The following MYO6 variants were observed in gnomAD, a reference collection of about 807,000 sequenced individuals.
The protein encoded by MYO6 is myosin VI.
MYO6 carries 74 observed loss-of-function variants against 178.7 expected under a neutral mutation model. The ratio of observed to expected loss-of-function variants is 0.41; its 90% confidence interval spans 0.34 to 0.50. The LOEUF is 0.50. Ranked by LOEUF, MYO6 falls within the 20% of genes least tolerant of loss-of-function variation. The probability of loss-of-function intolerance (pLI) is 0.09; values close to 1 mark genes in which losing one functional copy is unlikely to be tolerated. For synonymous variants in MYO6, 477 were observed against 504.6 expected (o/e 0.95, Z 0.73); for missense variants, 1,330 against 1,547.4 (o/e 0.86, Z 2.36).
intron 25 of MYO6, among the ~76,000 whole-genome samples, chr6:75,887,572 C>T (rs932137182): frequency 6.4e-5 from 9 of 141,380 alleles, no homozygotes; most frequent in South Asian, 2.2e-4. Context: ...ACCTGGGAGG[C>T]GGAGATTGCA....
intron 1 of MYO6, among the ~76,000 whole-genome samples, chr6:75,808,311 A>G (rs905401878): frequency 5.3e-5 from 8 of 152,150 alleles, no homozygotes; most frequent in Non-Finnish European, 1.0e-4. Flanking sequence ...TGGCTTATAG[A>G]TGGCAGCCTT....
intron 1 of MYO6, among the ~76,000 whole-genome samples, chr6:75,801,966 CT>C (rs1769509687): frequency 6.6e-6 from 1 of 151,792 alleles, no homozygotes; most frequent in African/African-American, 2.4e-5. Flanking sequence ...TGATTCTCAT[CT>C]TATAGAATAT....
chr6:75,857,089 T>C lies in MYO6; in HGVS notation c.1224-8T>C. On this transcript the variant is annotated splice_region_variant and splice_polypyrimidine_tract_variant and intron_variant, in intron 12 of 34. Transcript: ENST00000369977. Reference sequence around the variant, plus strand: ...AAGAATTTTTACTAGCATAGTTTTCTTTTATAGGGTACCTCTGAAAGTGGA... The same window carrying C: ...AAGAATTTTTACTAGCATAGTTTTCCTTTATAGGGTACCTCTGAAAGTGGA... The C allele has an allele frequency of 6.2e-7, 1 of 1,613,834 alleles. No homozygotes were observed.
Position 75,916,082 on chromosome 6 carries a change from C to CT in MYO6, c.*1071dup, listed in dbSNP as rs1395556230. The CT allele has an allele frequency of 1.3e-5, 2 of 152,076 alleles. No homozygotes were observed. The highest frequency in any genetic ancestry group is 2.9e-5 in the Non-Finnish European group (2 of 68,010). 9.4% of individuals were successfully genotyped at this position (152,076 alleles called of 1,614,324 possible). On this transcript the variant is annotated 3_prime_UTR_variant, in exon 35 of 35. Transcript: ENST00000369977. Reference sequence around the variant, plus strand: ...AATTTTAAAATGTTTTCTTTGTGTGCTGTTAGTATTGATTCAAATGTCAGC... The same window carrying CT: ...AATTTTAAAATGTTTTCTTTGTGTGCTTGTTAGTATTGATTCAAATGTCAGC...
chr6:75,828,075 C>G (rs1373927703), intron 3 of MYO6, among the ~76,000 whole-genome samples: 2 of 152,142 alleles, frequency 1.3e-5, no homozygotes, highest in Non-Finnish European at 2.9e-5. Context: ...TAGGAGTCTT[C>G]ATTATGTCAG....
intron 2 of MYO6, among the ~76,000 whole-genome samples, chr6:75,820,185 C>T (rs1482344975): frequency 1.3e-5 from 2 of 152,200 alleles, no homozygotes; most frequent in Non-Finnish European, 2.9e-5. Context: ...TTTTCCCTGT[C>T]TGCTTTGCTG....
In MYO6 at chr6:75,915,672, G is replaced by A. The variant is rs1486118959; in HGVS notation, c.*660G>A. ...ATCCAGCACAGATTTGCTTTTCTTT[G>A]CTAGCACAATGTGTGTTGCTGTCAG... On this transcript the variant is annotated 3_prime_UTR_variant, in exon 35 of 35. Transcript: ENST00000369977. 1.3e-5 allele frequency: 2 copies of A among 152,672 alleles called. No homozygotes were observed. The highest frequency in any genetic ancestry group is 4.8e-5 in the African/African-American group (2 of 41,544). 9.5% of individuals were successfully genotyped at this position (152,672 alleles called of 1,614,324 possible). A position where few individuals can be genotyped will look rare whatever the true frequency, so the allele number is the denominator to read the frequency against.
At chr6:75,853,351 ATC>A (rs1313044400) in intron 11 of MYO6, among the ~76,000 whole-genome samples, 2 of 152,164 alleles carry the variant, frequency 1.3e-5, no homozygotes, top group African/African-American at 4.8e-5. Context: ...AGCCTAATTT[ATC>A]TGTTTTTTCT....
chr6:75,750,130 C>T (rs1240298258), intron 1 of MYO6, among the ~76,000 whole-genome samples: 2 of 139,278 alleles, frequency 1.4e-5, no homozygotes, highest in African/African-American at 2.6e-5. Flanking sequence ...GAGCCTTGGT[C>T]TGTCGCCCAG....
At chr6:75,834,752 G>A (rs1019998274) in intron 6 of MYO6, among the ~76,000 whole-genome samples, 2 of 92,974 alleles carry the variant, frequency 2.2e-5, no homozygotes, top group African/African-American at 5.5e-5. Context: ...ATGTAAATAT[G>A]TATGCTGTTC....
chr6:75,763,096 G>A (rs561543934), intron 1 of MYO6, among the ~76,000 whole-genome samples: 9 of 149,706 alleles, frequency 6.0e-5, no homozygotes, highest in Non-Finnish European at 8.9e-5. Flanking sequence ...GCATGATCTC[G>A]GCTCACTGCA....
At chr6:75,890,389 C>A (rs1415830697) in intron 26 of MYO6, 124 bp downstream of exon 26, 4 of 1,371,926 alleles carry the variant, frequency 2.9e-6, no homozygotes, top group Non-Finnish European at 4.0e-6. Flanking sequence ...CTCTGTTGCC[C>A]AGGCTGGAGT....
At chr6:75,814,929 T>C (rs995906408) in intron 1 of MYO6, among the ~76,000 whole-genome samples, 1 of 152,010 alleles carries the variant, frequency 6.6e-6, no homozygotes, top group African/African-American at 2.4e-5. Flanking sequence ...CTTCCAAAAC[T>C]GTGTGAACAA....
intron 20 of MYO6, among the ~76,000 whole-genome samples, chr6:75,877,206 C>T (rs1224068694): frequency 1.3e-5 from 2 of 152,014 alleles, no homozygotes; most frequent in Non-Finnish European, 2.9e-5. Flanking sequence ...CTCCTGACCT[C>T]AGGTGATCCG....
chr6:75,766,049 A>G (rs1410154244), intron 1 of MYO6, among the ~76,000 whole-genome samples: 1 of 152,136 alleles, frequency 6.6e-6, no homozygotes, highest in Non-Finnish European at 1.5e-5. Flanking sequence ...CAGGCTGGGC[A>G]TGGTGGCTCA....
intron 4 of MYO6, 92 bp from the exon 5 acceptor site, chr6:75,830,324 A>T (rs959076147): frequency 2.5e-5 from 32 of 1,256,326 alleles, no homozygotes; most frequent in South Asian, 1.4e-4. Flanking sequence ...GATAATTGAA[A>T]TTTTTTGTAT....
chr6:75,907,736 GA>G (rs757529961), intron 31 of MYO6, 28 bp downstream of exon 31: 3 of 1,559,164 alleles, frequency 1.9e-6, no homozygotes, highest in East Asian at 2.2e-5. Context: ...ATCAAAAATA[GA>G]AAATGTTCAT....
intron 7 of MYO6, among the ~76,000 whole-genome samples, chr6:75,837,170 A>T (rs1314201284): frequency 6.6e-6 from 1 of 152,200 alleles, no homozygotes; most frequent in African/African-American, 2.4e-5. Context: ...TAATGGTGGT[A>T]ATAACATATA....
At chr6:75,900,644 GA>G (rs1256643279) in intron 30 of MYO6, among the ~76,000 whole-genome samples, 3 of 152,178 alleles carry the variant, frequency 2.0e-5, no homozygotes, top group African/African-American at 7.2e-5. Flanking sequence ...CCCTTTGTCA[GA>G]TGAGTAGGTT....
Sources: gnomAD v4.1 joint callset for allele counts (sites outside exome capture counted in the v4.1 genomes callset) on GRCh38, gnomAD v4.1.1 for gene constraint, MANE v1.5 for transcripts, NCBI Gene and HGNC (gene_info 2026-07-23, HGNC 2026-07-21) for gene names.